Variants in BCL2L13 observed in about 807,000 individuals in gnomAD.
The protein encoded by BCL2L13 is BCL2 like 13, also known as bcl-2-like protein 13.
BCL2L13 carries 13 observed loss-of-function variants against 25.8 expected under a neutral mutation model. The ratio of observed to expected loss-of-function variants is 0.50; its 90% CI spans 0.33 to 0.80. The LOEUF (loss-of-function observed/expected upper bound fraction) is 0.80. BCL2L13 is among the 30% of genes least tolerant of loss of function. The pLI is 0.02. For synonymous variants in BCL2L13, 244 were observed against 230.3 expected (o/e 1.06, Z -0.54); for missense variants, 504 against 574.9 (o/e 0.88, Z 1.26).
chr22:17,723,865 G>A (rs927822670), intron 6 of BCL2L13, among the ~76,000 whole-genome samples: 78 of 151,452 alleles, frequency 5.2e-4, no homozygotes, highest in African/African-American at 1.8e-3. Context: ...CCTGGGAGAC[G>A]GAGGTTGCAG....
chr22:17,685,772 T>TTTTTTC (rs1568972522), intron 3 of BCL2L13, among the ~76,000 whole-genome samples: 1 of 106,006 alleles, frequency 9.4e-6, no homozygotes, highest in Non-Finnish European at 1.9e-5. Context: ...TTTTTTTTTT[T>TTTTTTC]TTTTTTTTTT....
intron 1 of BCL2L13, among the ~76,000 whole-genome samples, chr22:17,631,668 GTGTATATATATATATATATA>G (rs1210680637): frequency 0.016 from 359 of 21,858 alleles, 14 homozygotes; most frequent in African/African-American, 0.048. Flanking sequence ...ATGTGTGTGT[GTGTATATATATATATATATA>G]TATATATATA....
intron 4 of BCL2L13, among the ~76,000 whole-genome samples, chr22:17,695,510 C>T (rs909075198): frequency 2.0e-5 from 3 of 151,990 alleles, no homozygotes; most frequent in Admixed American, 1.3e-4. Flanking sequence ...TTAGTAGAGA[C>T]GGGGTTTCAC....
At chr22:17,697,474 C>T (rs1377154274) in intron 5 of BCL2L13, among the ~76,000 whole-genome samples, 1 of 152,038 alleles carries the variant, frequency 6.6e-6, no homozygotes, top group East Asian at 1.9e-4. Context: ...ATTTTAGATT[C>T]GGGGGACATG....
chr22:17,668,563 C>T (rs551527615), intron 2 of BCL2L13, among the ~76,000 whole-genome samples: 7 of 151,506 alleles, frequency 4.6e-5, no homozygotes, highest in African/African-American at 1.7e-4. Context: ...AAGCAATTCT[C>T]CTGCCTCAGC....
chr22:17,675,794 A>G (rs1350602559), intron 2 of BCL2L13, among the ~76,000 whole-genome samples: 5 of 152,222 alleles, frequency 3.3e-5, no homozygotes, highest in South Asian at 2.1e-4. Context: ...GCAATGTCCA[A>G]CAAATTTAAG....
At position 17,728,446 on chromosome 22, in the gene BCL2L13, C is replaced by G. The variant is rs1169566104; in HGVS notation, c.*912C>G. 2 of 152,210 alleles carry G rather than the reference C, an allele frequency of 1.3e-5. No homozygotes were observed. Among genetic ancestry groups the G allele is most frequent in the African/African-American group, 4.8e-5 (2 of 41,440 alleles). 9.4% of individuals were successfully genotyped at this position (152,210 alleles called of 1,614,324 possible). On this transcript the variant is annotated 3_prime_UTR_variant, in exon 7 of 7. Coordinates refer to ENST00000317582, the MANE Select transcript of BCL2L13 (RefSeq NM_015367.4). ...CAAGGCAGGAGGATAACCTGGATGA[C>G]CTTCTGAGGTCTCTTCAGCCCTTTT... is the stretch of plus-strand genomic sequence containing the variant.
chr22:17,636,653 A>T (rs561735762), upstream of BCL2L13, among the ~76,000 whole-genome samples: 14 of 151,962 alleles, frequency 9.2e-5, no homozygotes, highest in South Asian at 2.9e-3. Flanking sequence ...AATATTAGCC[A>T]GGTGTGGTGG....
chr22:17,646,181 C>T (rs2058465144), intron 1 of BCL2L13, among the ~76,000 whole-genome samples: 2 of 151,436 alleles, frequency 1.3e-5, no homozygotes, highest in Non-Finnish European at 2.9e-5. Context: ...GATTAAGGCA[C>T]AGAAAGAAAC....
Position 17,716,438 on chromosome 22 carries a change from A to G in BCL2L13, c.601-10239A>G, listed in dbSNP as rs182949182. On this transcript the variant is annotated intron_variant, in intron 6 of 6. Coordinates refer to ENST00000317582, the MANE Select transcript of BCL2L13 (RefSeq NM_015367.4). Reference sequence around the variant, plus strand: ...AGGAGACAGCGCTTGGGAATTTAGTATGGCATTTGTAGGGCACAATGAGTA... The same window carrying G: ...AGGAGACAGCGCTTGGGAATTTAGTGTGGCATTTGTAGGGCACAATGAGTA... Among the ~76,000 whole-genome samples the G allele has an allele frequency of 1.1e-3, 162 of 152,336 alleles. 1 individual carries two copies. Among genetic ancestry groups the G allele is most frequent in the Non-Finnish European group, 1.8e-4 (12 of 68,036 alleles).
chr22:17,636,381 A>G (rs533294076), upstream of BCL2L13, among the ~76,000 whole-genome samples: 1 of 151,474 alleles, frequency 6.6e-6, no homozygotes, highest in South Asian at 2.1e-4. Flanking sequence ...GTGGTCCTTG[A>G]TACTTGGGAG....
chr22:17,695,346 C>T (rs188519264), intron 4 of BCL2L13, among the ~76,000 whole-genome samples: 2 of 152,118 alleles, frequency 1.3e-5, no homozygotes, highest in Non-Finnish European at 2.9e-5. Context: ...CCTGAGCCTT[C>T]GTTTCTTGTA....
chr22:17,654,178 T>A lies in BCL2L13; in HGVS notation c.-50-1484T>A, dbSNP rs529495896. On this transcript the variant is annotated intron_variant, in intron 1 of 6. Coordinates refer to ENST00000317582, the MANE Select transcript of BCL2L13 (RefSeq NM_015367.4). The stretch of plus-strand genomic sequence containing the variant: ...TGGAGTGCAGTGGCGTGATCATGGC[T>A]CACTGCAGCCTCTACCTCCTGGGCT... Among the ~76,000 whole-genome samples, 5 of 152,122 alleles carry A rather than the reference T, an allele frequency of 3.3e-5. No individual in the cohort carries two copies. The East Asian group carries it at 7.7e-4, about 24-fold the overall frequency.
chr22:17,670,657 G>A (rs755247680), intron 2 of BCL2L13, among the ~76,000 whole-genome samples: 20 of 152,158 alleles, frequency 1.3e-4, no homozygotes, highest in Non-Finnish European at 2.8e-4. Context: ...GAGCCACTGC[G>A]CCCGGCTTAC....
intron 3 of BCL2L13, among the ~76,000 whole-genome samples, chr22:17,685,715 C>T (rs1034905485): frequency 2.9e-5 from 4 of 137,850 alleles, no homozygotes; most frequent in African/African-American, 1.1e-4. Flanking sequence ...TATTCTTGTG[C>T]AAGTTTTTGT....
rs1276632298 is a variant in BCL2L13 at position 17,661,762 on chromosome 22, C to A, written c.121+5930C>A. ...ATCCCAGCACTTTGGGAGGCCAAGG[C>A]AGCCAGACCACCTGAGGTCGGGAGT... On this transcript the variant is annotated intron_variant, in intron 2 of 6. Transcript: ENST00000317582. Among the ~76,000 whole-genome samples, 2 of 145,402 alleles carry A rather than the reference C, an allele frequency of 1.4e-5. 1 individual carries two copies. The highest frequency in any genetic ancestry group is 3.1e-5 in the Non-Finnish European group (2 of 63,922).
intron 6 of BCL2L13, chr22:17,703,588 G>GT (rs2060504668): frequency 6.6e-6 from 1 of 152,066 alleles, no homozygotes. Context: ...ACTCATTATT[G>GT]TTTTTTAGCC....
chr22:17,709,955 A>G (rs1008705070), intron 6 of BCL2L13, among the ~76,000 whole-genome samples: 17 of 150,140 alleles, frequency 1.1e-4, no homozygotes, highest in Non-Finnish European at 1.9e-4. Context: ...CTGTGGTCCC[A>G]TTTACTCAGG....
In BCL2L13 at chr22:17,638,797, T is replaced by G. The variant is rs1601446598; in HGVS notation, c.-140T>G. On this transcript the variant is annotated 5_prime_UTR_variant, in exon 1 of 7. Transcript: ENST00000317582. ...GGCGGCGGTAGATTAGGGCCGCGGG[T>G]CGGAGCACTCACCGCCGCTGGGGGA... 8.1e-7 allele frequency: 1 copy of G among 1,231,674 alleles called. No homozygotes were observed. Among genetic ancestry groups the G allele is most frequent in the Non-Finnish European group, 1.0e-6 (1 of 988,078 alleles). 76.3% of individuals were successfully genotyped at this position (1,231,674 alleles called of 1,614,324 possible).
Sources: gnomAD v4.1 joint callset for allele counts (sites outside exome capture counted in the v4.1 genomes callset) on GRCh38, gnomAD v4.1.1 for gene constraint, MANE v1.5 for transcripts, NCBI Gene and HGNC (gene_info 2026-07-23, HGNC 2026-07-21) for gene names.